The following USP4 variants were observed in gnomAD, a reference collection of about 807,000 sequenced individuals.
The protein encoded by USP4 is ubiquitin carboxyl-terminal hydrolase 4.
A neutral mutation model predicts 118.2 loss-of-function variants in USP4; 72 were observed. The ratio of observed to expected loss-of-function variants is 0.61; its 90% CI spans 0.50 to 0.74. USP4 has a LOEUF of 0.74. Among genes scored for constraint, USP4 ranks in the 30% least tolerant of loss-of-function variants. The probability of loss-of-function intolerance (pLI) is 0.00; values close to 1 mark genes in which losing one functional copy is unlikely to be tolerated. For missense variants in USP4, 1,037 were observed against 1,185.7 expected (o/e 0.87, Z 1.84); for synonymous variants, 415 against 440.4 (o/e 0.94, Z 0.72).
chr3:49,327,616 C>T, intron 3 of USP4, 70 bp downstream of exon 3: 2 of 1,560,532 alleles, frequency 1.3e-6, no homozygotes, highest in Non-Finnish European at 1.8e-6. Context: ...TCCTAGCAAA[C>T]ACTAGTCAGT....
chr3:49,338,073 A>G (rs13088226), intron 1 of USP4, among the ~76,000 whole-genome samples: 3 of 126,526 alleles, frequency 2.4e-5, no homozygotes, highest in Non-Finnish European at 3.3e-5. Context: ...AAAAAAAAAA[A>G]GTATCTCTAT....
At chr3:49,295,011 T>C (rs991966164) in intron 13 of USP4, among the ~76,000 whole-genome samples, 20 of 152,246 alleles carry the variant, frequency 1.3e-4, no homozygotes, top group South Asian at 1.2e-3. Context: ...TTGAGTTGGC[T>C]GGGCGCGGTG....
Position 49,308,171 on chromosome 3 carries a change from G to A in USP4, c.955-2283C>T, listed in dbSNP as rs2047339238. On this transcript the variant is annotated intron_variant, in intron 8 of 21. Coordinates refer to ENST00000265560, the MANE Select transcript of USP4 (RefSeq NM_003363.4). ...ATAACCTAACAATACAATTTTGGAG[G>A]TGGAGAAGAGGCTGATCAGAACTGT... Among the ~76,000 whole-genome samples the A allele has an allele frequency of 2.0e-5, 3 of 152,132 alleles. No individual in the cohort carries two copies. In the South Asian group the frequency reaches 6.2e-4, roughly 32 times the overall value.
chr3:49,325,753 C>T lies in USP4; in HGVS notation c.453G>A (p.Val151=). The change falls in exon 4 of 22, where the codon GTG becomes GTA. Residue 151 remains valine (V), a synonymous_variant. Coordinates refer to ENST00000265560, the MANE Select transcript of USP4 (RefSeq NM_003363.4). ...KLCENSDPTN[V]LSCHFSKADT... is the part of the protein sequence containing the mutation. ...CTGCCTTGCTGAAATGGCAACTCAG[C>T]ACATTGGTGGGGTCACTGTTCTCAC... is the stretch of plus-strand genomic sequence containing the variant. 8.1e-6 allele frequency: 13 copies of T among 1,613,964 alleles called. No homozygotes were observed. Among genetic ancestry groups the T allele is most frequent in the South Asian group, 1.1e-5 (1 of 91,088 alleles).
intron 11 of USP4, among the ~76,000 whole-genome samples, chr3:49,300,231 G>A (rs1056757897): frequency 4.0e-5 from 6 of 151,716 alleles, no homozygotes; most frequent in Non-Finnish European, 8.8e-5. Context: ...GGGCAACAGA[G>A]CGACTCTGTC....
chr3:49,310,834 G>C, intron 7 of USP4, 97 bp from the exon 8 acceptor site: 1 of 916,434 alleles, frequency 1.1e-6, no homozygotes, highest in South Asian at 1.4e-5. Context: ...TAGAACTTGT[G>C]TGGTAGTAAG....
intron 3 of USP4, among the ~76,000 whole-genome samples, chr3:49,326,046 G>A (rs1488627221): frequency 6.6e-6 from 1 of 152,184 alleles, no homozygotes. Context: ...GCCGCGTGTG[G>A]TGGCTCACGC....
chr3:49,314,574 G>C (rs1266680706), intron 6 of USP4, among the ~76,000 whole-genome samples: 1 of 152,184 alleles, frequency 6.6e-6, no homozygotes, highest in Admixed American at 6.5e-5. Context: ...AGGCTGGTCT[G>C]ATATGCAATG....
At chr3:49,332,923 T>G (rs760655215) in intron 2 of USP4, among the ~76,000 whole-genome samples, 24 of 151,344 alleles carry the variant, frequency 1.6e-4, no homozygotes, top group Non-Finnish European at 3.1e-4. Context: ...TTCCAGTTAC[T>G]CAGGAGGCTG....
At chr3:49,318,665 C>T (rs2047466825) in intron 6 of USP4, 1 of 975,470 alleles carries the variant, frequency 1.0e-6, no homozygotes, top group Non-Finnish European at 1.2e-6. Flanking sequence ...TCCCAGCACT[C>T]TGGGACGCCA....
chr3:49,291,061 C>T (rs35136441), intron 15 of USP4, among the ~76,000 whole-genome samples: 121 of 151,754 alleles, frequency 8.0e-4, no homozygotes, highest in Non-Finnish European at 1.3e-3. Flanking sequence ...CTCTGCCTCC[C>T]GGGTTCACGC....
At chr3:49,309,788 G>A (rs377446732) in intron 8 of USP4, among the ~76,000 whole-genome samples, 9 of 146,944 alleles carry the variant, frequency 6.1e-5, no homozygotes, top group East Asian at 6.1e-4. Context: ...CACCACACCC[G>A]GCTAATTTTT....
intron 13 of USP4, among the ~76,000 whole-genome samples, chr3:49,297,129 C>T (rs1166528720): frequency 6.6e-6 from 1 of 152,194 alleles, no homozygotes; most frequent in Non-Finnish European, 1.5e-5. Flanking sequence ...CCTTTCTCAG[C>T]AGAGGCAAGT....
chr3:49,304,485 T>C (rs2047292230), intron 9 of USP4, among the ~76,000 whole-genome samples: 1 of 152,138 alleles, frequency 6.6e-6, no homozygotes, highest in Non-Finnish European at 1.5e-5. Flanking sequence ...CTTCCAAGAA[T>C]GTGAGCCCAA....
intron 4 of USP4, 145 bp downstream of exon 4, chr3:49,325,574 A>G (rs1575619544): frequency 8.5e-7 from 1 of 1,171,100 alleles, no homozygotes; most frequent in Non-Finnish European, 1.2e-6. Flanking sequence ...ATAGGCCCCC[A>G]GGTCAGGACT....
chr3:49,313,324 C>T (rs1353008814), intron 6 of USP4, among the ~76,000 whole-genome samples: 1 of 151,914 alleles, frequency 6.6e-6, no homozygotes, highest in Non-Finnish European at 1.5e-5. Flanking sequence ...GTCAGGAGTT[C>T]GAGTCTAGCC....
intron 20 of USP4, 31 bp from the exon 21 acceptor site, chr3:49,278,933 G>T: frequency 6.7e-7 from 1 of 1,483,510 alleles, no homozygotes; most frequent in Non-Finnish European, 9.3e-7. Context: ...ATACTCTAGC[G>T]GTCTCCAGAG....
intron 2 of USP4, among the ~76,000 whole-genome samples, chr3:49,334,563 T>G (rs752320311): frequency 3.3e-5 from 5 of 152,044 alleles, no homozygotes; most frequent in Non-Finnish European, 5.9e-5. Flanking sequence ...CTGGGCAACA[T>G]AGCAAGACCC....
chr3:49,324,666 T>C (rs375958285), intron 6 of USP4, 36 bp downstream of exon 6: 2 of 1,592,846 alleles, frequency 1.3e-6, no homozygotes, highest in Non-Finnish European at 1.7e-6. Flanking sequence ...CTTTTGCACA[T>C]GTGAGCCTAC....
Sources: allele counts gnomAD v4.1 joint callset (sites outside exome capture counted in the v4.1 genomes callset), GRCh38; gene constraint gnomAD v4.1.1; transcripts MANE v1.5; gene names NCBI Gene and HGNC (gene_info 2026-07-23, HGNC 2026-07-21).